The following BLNK variants were observed in gnomAD, a reference collection of about 807,000 sequenced individuals.
The protein encoded by BLNK is B-cell linker protein.
Under a neutral mutation model 73.5 loss-of-function variants are expected in BLNK, and 29 were observed. The ratio of observed to expected loss-of-function variants is 0.39; its 90% CI spans 0.29 to 0.54. BLNK has a LOEUF of 0.54. Ranked by LOEUF, BLNK falls within the 20% of genes least tolerant of loss-of-function variation. BLNK has a pLI of 0.61. For synonymous variants in BLNK, 176 were observed against 200.8 expected, an observed-to-expected ratio of 0.88 and a Z score of 1.04; for missense variants, 460 against 562.8, an observed-to-expected ratio of 0.82 and a Z score of 1.85.
chr10:96,262,745 G>C (rs1843814275), intron 1 of BLNK, among the ~76,000 whole-genome samples: 1 of 152,226 alleles, frequency 6.6e-6, no homozygotes, highest in Non-Finnish European at 1.5e-5. Flanking sequence ...CTGAGTCAGT[G>C]TGGAATTCAA....
At chr10:96,196,135 C>T (rs959958372) in intron 16 of BLNK, among the ~76,000 whole-genome samples, 11 of 152,076 alleles carry the variant, frequency 7.2e-5, no homozygotes, top group Admixed American at 1.3e-4. Context: ...TATTTCTTAC[C>T]TTGAATTTTG....
chr10:96,241,812 C>A (rs1554906303), intron 3 of BLNK, among the ~76,000 whole-genome samples: 1 of 151,756 alleles, frequency 6.6e-6, no homozygotes, highest in Non-Finnish European at 1.5e-5. Context: ...CTCACTGCAG[C>A]CTTGACCTCA....
intron 1 of BLNK, among the ~76,000 whole-genome samples, chr10:96,254,417 T>C (rs542022275): frequency 9.2e-4 from 140 of 152,308 alleles, no homozygotes; most frequent in African/African-American, 3.2e-3. Flanking sequence ...CCTGCCTGCC[T>C]TCTCTTCCCA....
At chr10:96,240,314 T>C (rs1842843853) in intron 3 of BLNK, among the ~76,000 whole-genome samples, 1 of 152,226 alleles carries the variant, frequency 6.6e-6, no homozygotes, top group African/African-American at 2.4e-5. Context: ...GCGAAACAGC[T>C]GAAGCACCTG....
Position 96,200,012 on chromosome 10 carries a change from AT to A in BLNK, c.1095+62del. On this transcript the variant is annotated intron_variant, in intron 15 of 16. Coordinates refer to ENST00000224337, the MANE Select transcript of BLNK (RefSeq NM_013314.4). The surrounding 1 kb of genome is among the most constrained non-coding windows in gnomAD (Gnocchi z 4.3). ...CACTGCACTCCAGTGAAACTGCATC[AT>A]CTCAAAACAAATAAATAAAATAAAA... 8.6e-7 allele frequency: 1 copy of A among 1,162,646 alleles called. No homozygotes were observed. Among genetic ancestry groups the A allele is most frequent in the Non-Finnish European group, 1.1e-6 (1 of 896,056 alleles). The allele number at this position is 1,162,646 out of a possible 1,614,324, so 72.0% of individuals were successfully genotyped here.
intron 1 of BLNK, among the ~76,000 whole-genome samples, chr10:96,269,425 A>AC (rs1449002877): frequency 2.6e-5 from 4 of 152,092 alleles, no homozygotes; most frequent in African/African-American, 7.2e-5. Context: ...TGAAAACAAA[A>AC]AAAAAAAAAC....
intron 1 of BLNK, among the ~76,000 whole-genome samples, chr10:96,267,739 C>T (rs1844074573): frequency 6.6e-6 from 1 of 152,062 alleles, no homozygotes; most frequent in Non-Finnish European, 1.5e-5. Flanking sequence ...AATCAATAGA[C>T]AAAATAGTCA....
chr10:96,262,828 G>A (rs546069360), intron 1 of BLNK, among the ~76,000 whole-genome samples: 5 of 152,194 alleles, frequency 3.3e-5, no homozygotes, highest in Admixed American at 3.3e-4. Context: ...TGACTAGTAA[G>A]TGACTGCTTT....
chr10:96,237,021 A>C (rs1376477314), intron 3 of BLNK, among the ~76,000 whole-genome samples: 2 of 152,146 alleles, frequency 1.3e-5, no homozygotes, highest in Non-Finnish European at 2.9e-5. Flanking sequence ...TAAAATGAGA[A>C]GCTTGGGTTG....
intron 1 of BLNK, among the ~76,000 whole-genome samples, chr10:96,254,694 A>G (rs1843437796): frequency 6.6e-6 from 1 of 151,910 alleles, no homozygotes; most frequent in African/African-American, 2.4e-5. Flanking sequence ...TATTTTTAGT[A>G]GAGACGGGGT....
chr10:96,237,405 A>T (rs1025569458), intron 3 of BLNK, among the ~76,000 whole-genome samples: 28 of 151,998 alleles, frequency 1.8e-4, no homozygotes, highest in African/African-American at 6.5e-4. Flanking sequence ...ATTTGCTCTG[A>T]TCTCCTCCCT....
At chr10:96,201,826 A>T (rs1469672943) in intron 13 of BLNK, among the ~76,000 whole-genome samples, 2 of 152,240 alleles carry the variant, frequency 1.3e-5, no homozygotes, top group East Asian at 3.8e-4. Context: ...TTAACAAAAC[A>T]GCAAAATGCC....
chr10:96,269,777 G>T (rs1316411242), intron 1 of BLNK, among the ~76,000 whole-genome samples: 2 of 151,994 alleles, frequency 1.3e-5, no homozygotes, highest in Non-Finnish European at 2.9e-5. Flanking sequence ...GGACCTTCAG[G>T]TCCCACATTC....
chr10:96,265,747 T>A (rs947597727), intron 1 of BLNK, among the ~76,000 whole-genome samples: 4 of 152,248 alleles, frequency 2.6e-5, no homozygotes, highest in Non-Finnish European at 5.9e-5. Flanking sequence ...GAATATTTGC[T>A]TATTGTTCTG....
intron 6 of BLNK, among the ~76,000 whole-genome samples, chr10:96,222,930 T>C (rs955794953): frequency 4.7e-4 from 72 of 152,094 alleles, no homozygotes; most frequent in African/African-American, 1.3e-3. Context: ...CAGGTGATTG[T>C]CAGGTGGCTG....
chr10:96,210,865 T>G (rs1185712733), intron 8 of BLNK, among the ~76,000 whole-genome samples: 3 of 136,956 alleles, frequency 2.2e-5, no homozygotes, highest in Non-Finnish European at 4.6e-5. Flanking sequence ...ACAATTCCGT[T>G]TTTTTTTTTT....
At chr10:96,235,109 T>A (rs980845159) in intron 3 of BLNK, among the ~76,000 whole-genome samples, 1 of 152,164 alleles carries the variant, frequency 6.6e-6, no homozygotes, top group East Asian at 1.9e-4. Flanking sequence ...CAAGGAGATG[T>A]GAGAATGGCC....
At chr10:96,194,888 A>T (rs2133921470) in intron 16 of BLNK, among the ~76,000 whole-genome samples, 1 of 147,496 alleles carries the variant, frequency 6.8e-6, no homozygotes, top group Admixed American at 7.1e-5. Flanking sequence ...CTCCTGCCTC[A>T]GCCTCCTGTG....
intron 11 of BLNK, among the ~76,000 whole-genome samples, chr10:96,206,526 G>A (rs1222654593): frequency 6.8e-6 from 1 of 147,020 alleles, no homozygotes; most frequent in Non-Finnish European, 1.5e-5. Context: ...ACTCCAGTCT[G>A]GGCTACAAAG....
Sources: allele counts gnomAD v4.1 joint callset (sites outside exome capture counted in the v4.1 genomes callset), GRCh38; gene constraint gnomAD v4.1.1; non-coding constraint Gnocchi (gnomAD v3.1); transcripts MANE v1.5; gene names NCBI Gene and HGNC (gene_info 2026-07-23, HGNC 2026-07-21).